Variants in SLC25A42 observed in about 807,000 individuals in gnomAD.
The protein encoded by SLC25A42 is mitochondrial coenzyme A transporter SLC25A42.
A neutral mutation model predicts 34.7 loss-of-function variants in SLC25A42; 19 were observed. The observed-to-expected ratio is 0.55, with a 90% CI of 0.38 to 0.80. SLC25A42 has a LOEUF of 0.80. Among genes scored for constraint, SLC25A42 ranks in the 30% least tolerant of loss-of-function variants. The pLI, the probability that SLC25A42 is intolerant of heterozygous loss-of-function variation, is 0.00. For missense variants in SLC25A42, 364 were observed against 441.3 expected, an observed-to-expected ratio of 0.82 and a Z score of 1.57; for synonymous variants, 205 against 191.2, an observed-to-expected ratio of 1.07 and a Z score of -0.59.
chr19:19,105,533 G>A (rs1315387282), intron 4 of SLC25A42, 28 bp from the exon 5 acceptor site: 1 of 1,598,554 alleles, frequency 6.3e-7, no homozygotes, highest in African/African-American at 1.3e-5. Context: ...AGAGGCAGAG[G>A]GATGTTGACC....
chr19:19,103,877 G>A (rs1036083102), intron 3 of SLC25A42, among the ~76,000 whole-genome samples: 1 of 142,940 alleles, frequency 7.0e-6, no homozygotes, highest in African/African-American at 2.6e-5. Context: ...GCCTTCGAAA[G>A]GGACAGCCTT....
At chr19:19,094,057 C>T (rs1191499533) in intron 1 of SLC25A42, among the ~76,000 whole-genome samples, 5 of 152,218 alleles carry the variant, frequency 3.3e-5, no homozygotes, top group Non-Finnish European at 2.9e-5. Flanking sequence ...GAGGCACATG[C>T]GTCCACCTGA....
intron 5 of SLC25A42, 177 bp from the exon 6 acceptor site, chr19:19,106,092 G>A: frequency 1.7e-6 from 1 of 596,992 alleles, no homozygotes; most frequent in Non-Finnish European, 3.0e-6. Flanking sequence ...ACCTCAAAAT[G>A]AGGCCCACTC....
chr19:19,076,564 G>A (rs1447551219), intron 1 of SLC25A42, among the ~76,000 whole-genome samples: 1 of 152,192 alleles, frequency 6.6e-6, no homozygotes, highest in African/African-American at 2.4e-5. Flanking sequence ...ATCCATTCAA[G>A]TCCCCTGGGA....
Position 19,111,155 on chromosome 19 carries a change from A to G in SLC25A42, c.*279A>G. 1 of 506,312 alleles carries G rather than the reference A, an allele frequency of 2.0e-6. No individual in the cohort carries two copies. Among genetic ancestry groups the G allele is most frequent in the East Asian group, 3.7e-5 (1 of 26,886 alleles). The allele number at this position is 506,312 out of a possible 1,614,324, so 31.4% of individuals were successfully genotyped here. The stretch of plus-strand genomic sequence containing the variant: ...GCGCTGTCTGCCGGAGGTGTTGCCC[A>G]AAAGGCCCTAGTGGGGCGTGGTCAG... On this transcript the variant is annotated 3_prime_UTR_variant, in exon 8 of 8. Coordinates refer to ENST00000318596, the MANE Select transcript of SLC25A42 (RefSeq NM_178526.5).
chr19:19,066,946 G>T (rs971659749), intron 1 of SLC25A42, among the ~76,000 whole-genome samples: 4 of 146,558 alleles, frequency 2.7e-5, no homozygotes, highest in Non-Finnish European at 5.9e-5. Flanking sequence ...GAACCAAGGA[G>T]TTCAAGGCTG....
At chr19:19,089,620 C>A (rs2059727366) in intron 1 of SLC25A42, among the ~76,000 whole-genome samples, 1 of 151,680 alleles carries the variant, frequency 6.6e-6, no homozygotes, top group Non-Finnish European at 1.5e-5. Flanking sequence ...GTAATCCCAG[C>A]ACTTTGGGAG....
intron 1 of SLC25A42, among the ~76,000 whole-genome samples, chr19:19,091,016 T>A (rs1412477454): frequency 6.6e-6 from 1 of 152,206 alleles, no homozygotes; most frequent in East Asian, 1.9e-4. Flanking sequence ...ACAGGGAGCA[T>A]CTTTCTGCTG....
intron 1 of SLC25A42, among the ~76,000 whole-genome samples, chr19:19,075,288 G>C (rs2059650503): frequency 1.3e-5 from 2 of 152,126 alleles, no homozygotes; most frequent in African/African-American, 4.8e-5. Flanking sequence ...CATGCTCCAG[G>C]TTCACGTTTC....
chr19:19,078,574 G>A (rs746889344), intron 1 of SLC25A42, among the ~76,000 whole-genome samples: 3 of 152,124 alleles, frequency 2.0e-5, no homozygotes, highest in East Asian at 1.9e-4. Context: ...TGTACGCAGC[G>A]AGCATGTACG....
Position 19,111,033 on chromosome 19 carries a change from A to G in SLC25A42, c.*157A>G. 3 of 787,820 alleles carry G rather than the reference A, an allele frequency of 3.8e-6. No individual in the cohort carries two copies. Among genetic ancestry groups the G allele is most frequent in the Non-Finnish European group, 5.9e-6 (3 of 504,424 alleles). The allele number at this position is 787,820 out of a possible 1,614,324, so 48.8% of individuals were successfully genotyped here. Reference sequence around the variant, plus strand: ...CCTGAGGGGCCTGGGCTCAGAGTCCACGTCCAAACGCAAAGCTGGCAGCCC... The same window carrying G: ...CCTGAGGGGCCTGGGCTCAGAGTCCGCGTCCAAACGCAAAGCTGGCAGCCC... On this transcript the variant is annotated 3_prime_UTR_variant, in exon 8 of 8. Transcript: ENST00000318596.
intron 1 of SLC25A42, among the ~76,000 whole-genome samples, chr19:19,074,687 CAGTG>C (rs1360740664): frequency 2.6e-5 from 4 of 151,550 alleles, no homozygotes; most frequent in Non-Finnish European, 4.4e-5. Context: ...GTGTGTGTGA[CAGTG>C]TGTGTGAGAG....
rs35787720 is a variant in SLC25A42 at position 19,070,991 on chromosome 19, C to CTT, written c.-35+6894_-35+6895dup. ...GACCTGACTAGTGAATGCATACCGTCTTTTTTTTTTTTTTTTTTTAATACA... is the reference window on the plus strand; with the variant it reads ...GACCTGACTAGTGAATGCATACCGTCTTTTTTTTTTTTTTTTTTTTTAATACA... On this transcript the variant is annotated intron_variant, in intron 1 of 7. Coordinates refer to ENST00000318596, the MANE Select transcript of SLC25A42 (RefSeq NM_178526.5). Among the ~76,000 whole-genome samples, 1,099 of 117,194 alleles carry CTT rather than the reference C, an allele frequency of 9.4e-3. 28 individuals are homozygous for CTT. Among genetic ancestry groups the CTT allele is most frequent in the African/African-American group, 0.024 (689 of 28,852 alleles). 76.9% of individuals were successfully genotyped at this position (117,194 alleles called of 152,430 possible). A position where few individuals can be genotyped will look rare whatever the true frequency, so the allele number is the denominator to read the frequency against.
At chr19:19,064,676 G>A (rs938628062) in intron 1 of SLC25A42, among the ~76,000 whole-genome samples, 1 of 147,248 alleles carries the variant, frequency 6.8e-6, no homozygotes, top group Admixed American at 6.8e-5. Flanking sequence ...CTTCCCCCTG[G>A]CACCTGCCCT....
chr19:19,096,411 GGGTGGAGT>G (rs1160185710), intron 2 of SLC25A42, among the ~76,000 whole-genome samples: 1 of 152,058 alleles, frequency 6.6e-6, no homozygotes, highest in Admixed American at 6.6e-5. Flanking sequence ...CCTGGGCTGA[GGGTGGAGT>G]GGTGGAGCCT....
chr19:19,103,299 T>G (rs2059808079), intron 3 of SLC25A42, among the ~76,000 whole-genome samples: 1 of 152,122 alleles, frequency 6.6e-6, no homozygotes, highest in African/African-American at 2.4e-5. Flanking sequence ...TTCGACACGT[T>G]GGCCCCGCTG....
chr19:19,085,972 C>T (rs993960627), intron 1 of SLC25A42, among the ~76,000 whole-genome samples: 2 of 152,212 alleles, frequency 1.3e-5, no homozygotes, highest in Non-Finnish European at 2.9e-5. Flanking sequence ...GGTGTAGCCA[C>T]GCTGGCTTAG....
chr19:19,102,735 CTG>C (rs2059804872), intron 3 of SLC25A42, among the ~76,000 whole-genome samples: 1 of 145,014 alleles, frequency 6.9e-6, no homozygotes, highest in South Asian at 2.2e-4. Context: ...CAGAGAGACT[CTG>C]TCTCAAAAAT....
At chr19:19,095,215 C>CA (rs56317817) in intron 1 of SLC25A42, among the ~76,000 whole-genome samples, 103,150 of 149,378 alleles carry the variant, frequency 0.69, 35,853 homozygotes, top group East Asian at 0.9. Context: ...AAAACAAAAA[C>CA]AAAAAAAAAC....
Sources: allele counts gnomAD v4.1 joint callset (sites outside exome capture counted in the v4.1 genomes callset), GRCh38; gene constraint gnomAD v4.1.1; transcripts MANE v1.5; gene names NCBI Gene and HGNC (gene_info 2026-07-23, HGNC 2026-07-21).